TCF4: variants seen among roughly 807,000 people sequenced by gnomAD.
TCF4 encodes the protein SL3-3 enhancer factor 2.
Under a neutral mutation model 82.1 loss-of-function variants are expected in TCF4, and 3 were observed. The observed-to-expected ratio is 0.04, with a 90% CI of 0.02 to 0.09. The LOEUF (loss-of-function observed/expected upper bound fraction) is 0.09. TCF4 is among the 10% of genes least tolerant of loss of function. The pLI is 1.00. For missense variants in TCF4, 518 were observed against 852.7 expected, an observed-to-expected ratio of 0.61 and a Z score of 4.89; for synonymous variants, 276 against 309.6, an observed-to-expected ratio of 0.89 and a Z score of 1.14.
At chr18:55,343,764 A>T (rs147061225) in intron 8 of TCF4, among the ~76,000 whole-genome samples, 69 of 152,302 alleles carry the variant, frequency 4.5e-4, no homozygotes, top group African/African-American at 1.6e-3. Context: ...TCCAGATAAA[A>T]TAATTAAGTA....
intron 3 of TCF4, among the ~76,000 whole-genome samples, chr18:55,469,157 T>TC (rs1246753851): frequency 3.3e-5 from 5 of 152,074 alleles, no homozygotes; most frequent in African/African-American, 1.2e-4. Context: ...TCTGCATGAG[T>TC]CCCCTCTACA....
intron 8 of TCF4, among the ~76,000 whole-genome samples, chr18:55,311,193 A>G (rs984229429): frequency 3.3e-5 from 5 of 152,314 alleles, no homozygotes; most frequent in Non-Finnish European, 7.4e-5. Context: ...ATAGAAAGGG[A>G]AAGAAAAAAA....
chr18:55,458,399 G>T (rs941647552), intron 5 of TCF4, among the ~76,000 whole-genome samples: 2 of 152,152 alleles, frequency 1.3e-5, no homozygotes, highest in Admixed American at 1.3e-4. Flanking sequence ...TATCCACAAA[G>T]GTCACAACAT....
intron 14 of TCF4, among the ~76,000 whole-genome samples, chr18:55,256,552 T>C (rs569927101): frequency 7.2e-5 from 11 of 152,160 alleles, no homozygotes; most frequent in Non-Finnish European, 1.5e-4. Flanking sequence ...AAGGGAAGAA[T>C]ATAAGACAAC....
chr18:55,423,240 TTTAA>T (rs1315743474), intron 5 of TCF4, among the ~76,000 whole-genome samples: 5 of 152,116 alleles, frequency 3.3e-5, no homozygotes, highest in Non-Finnish European at 7.3e-5. Flanking sequence ...TGTCAGCGGT[TTTAA>T]TTAAGTATTG....
At chr18:55,300,227 A>G (rs1435829723) in intron 8 of TCF4, among the ~76,000 whole-genome samples, 1 of 152,178 alleles carries the variant, frequency 6.6e-6, no homozygotes, top group African/African-American at 2.4e-5. Flanking sequence ...TCTGGAGGGA[A>G]TCTGCCCCCT....
At chr18:55,402,203 A>T (rs2093860924) in intron 6 of TCF4, 1 of 985,382 alleles carries the variant, frequency 1.0e-6, no homozygotes, top group Admixed American at 6.2e-5. Flanking sequence ...CAGATGCCGA[A>T]TATGACTGAA....
chr18:55,574,449 C>T (rs778307262), intron 3 of TCF4, among the ~76,000 whole-genome samples: 1 of 152,124 alleles, frequency 6.6e-6, no homozygotes, highest in Non-Finnish European at 1.5e-5. Flanking sequence ...CTCAGCCTCC[C>T]GAGTAGCTGA....
chr18:55,541,886 C>T (rs1187224875), intron 3 of TCF4, among the ~76,000 whole-genome samples: 1 of 151,894 alleles, frequency 6.6e-6, no homozygotes, highest in Non-Finnish European at 1.5e-5. Context: ...GATAATGACA[C>T]TCATATACAG....
At chr18:55,385,111 G>A (rs1437082718) in intron 6 of TCF4, among the ~76,000 whole-genome samples, 2 of 151,946 alleles carry the variant, frequency 1.3e-5, no homozygotes, top group Non-Finnish European at 2.9e-5. Context: ...CTGATTGGAA[G>A]TAGAGAAATC....
At chr18:55,380,793 T>C (rs80325931) in intron 6 of TCF4, among the ~76,000 whole-genome samples, 1 of 152,164 alleles carries the variant, frequency 6.6e-6, no homozygotes, top group African/African-American at 2.4e-5. Flanking sequence ...TGCCTAAATA[T>C]TTAAACTATT....
At chr18:55,484,443 T>C (rs2096486824) in intron 3 of TCF4, among the ~76,000 whole-genome samples, 1 of 152,168 alleles carries the variant, frequency 6.6e-6, no homozygotes, top group Non-Finnish European at 1.5e-5. Context: ...ACCTGAAAAT[T>C]CTCCAAGGCA....
intron 15 of TCF4, among the ~76,000 whole-genome samples, chr18:55,248,497 C>A (rs945290086): frequency 6.6e-6 from 1 of 152,228 alleles, no homozygotes; most frequent in African/African-American, 2.4e-5. Flanking sequence ...TGCCACATCA[C>A]ATCAATGCCC....
chr18:55,586,353 C>A, intron 2 of TCF4: 1 of 609,034 alleles, frequency 1.6e-6, no homozygotes, highest in Non-Finnish European at 2.9e-6. Context: ...ATTCATTCTC[C>A]TGACATGTCT....
intron 5 of TCF4, among the ~76,000 whole-genome samples, chr18:55,459,407 A>C (rs1441656880): frequency 3.3e-5 from 5 of 152,258 alleles, no homozygotes; most frequent in Middle Eastern, 6.8e-3. Flanking sequence ...TAGAGTTAAA[A>C]CTTTTTTCAC....
At chr18:55,520,418 T>C (rs1016252702) in intron 3 of TCF4, among the ~76,000 whole-genome samples, 2 of 152,116 alleles carry the variant, frequency 1.3e-5, no homozygotes, top group Non-Finnish European at 2.9e-5. Flanking sequence ...CATGTGCACA[T>C]GGGAAGGATC....
At chr18:55,266,352 A>G (rs1248660348) in intron 11 of TCF4, 1 of 152,196 alleles carries the variant, frequency 6.6e-6, no homozygotes, top group Non-Finnish European at 1.5e-5. Flanking sequence ...ACCCAGTGGC[A>G]TAACATTGAA....
intron 3 of TCF4, among the ~76,000 whole-genome samples, chr18:55,529,875 G>A (rs144517399): frequency 6.6e-6 from 1 of 152,184 alleles, no homozygotes; most frequent in East Asian, 1.9e-4. Context: ...ATTTCTGCAG[G>A]TGATTCAGTT....
chr18:55,407,214 T>C (rs1430022051), intron 5 of TCF4, among the ~76,000 whole-genome samples: 1 of 152,126 alleles, frequency 6.6e-6, no homozygotes, highest in African/African-American at 2.4e-5. Flanking sequence ...GAAATGAATA[T>C]GACCTAATGG....
Sources: gnomAD v4.1 joint callset for allele counts (sites outside exome capture counted in the v4.1 genomes callset) on GRCh38, gnomAD v4.1.1 for gene constraint, MANE v1.5 for transcripts, NCBI Gene and HGNC (gene_info 2026-07-23, HGNC 2026-07-21) for gene names.